Variants in COL9A3 observed in about 807,000 individuals in gnomAD.
COL9A3 encodes the protein collagen type IX alpha 3 chain.
A neutral mutation model predicts 110.2 loss-of-function variants in COL9A3; 82 were observed. The observed-to-expected ratio is 0.74, with a 90% CI of 0.62 to 0.89. The LOEUF is 0.89. Ranked by LOEUF, COL9A3 falls within the 40% of genes least tolerant of loss-of-function variation. The pLI is 0.00. For missense variants in COL9A3, 1,066 were observed against 981.3 expected, an observed-to-expected ratio of 1.09 and a Z score of -1.15; for synonymous variants, 494 against 403.8, an observed-to-expected ratio of 1.22 and a Z score of -2.68.
At chr20:62,820,384 G>A (rs938558228) in intron 5 of COL9A3, among the ~76,000 whole-genome samples, 2 of 151,954 alleles carry the variant, frequency 1.3e-5, no homozygotes, top group South Asian at 2.1e-4. Flanking sequence ...CTGACGGAGC[G>A]GCACCACCAC....
rs1004317587 is a variant in COL9A3 at position 62,836,898 on chromosome 20, C to T, written c.1604-185C>T. 2.6e-5 allele frequency: 22 copies of T among 846,634 alleles called. No homozygotes were observed. In the Admixed American group the frequency reaches 3.9e-4, roughly 15 times the overall value. 52.4% of individuals were successfully genotyped at this position (846,634 alleles called of 1,614,324 possible). The stretch of plus-strand genomic sequence containing the variant: ...CTTCCCACTCAGGCTTCTCAGGCTC[C>T]AAGGGGTTGGGGGTCCTTTCTAGCT... On this transcript the variant is annotated intron_variant, in intron 29 of 31. Coordinates refer to ENST00000649368, the MANE Select transcript of COL9A3 (RefSeq NM_001853.4).
chr20:62,840,315 C>T (rs2147234957), intron 31 of COL9A3, among the ~76,000 whole-genome samples: 1 of 152,298 alleles, frequency 6.6e-6, no homozygotes, highest in South Asian at 2.1e-4. Flanking sequence ...GACGGCTCTG[C>T]ACCCCTGCCT....
At position 62,837,050 on chromosome 20, in the gene COL9A3, C is replaced by T. The variant is rs370071454; in HGVS notation, c.1604-33C>T. The T allele has an allele frequency of 4.3e-5, 70 of 1,609,584 alleles. 1 individual carries two copies. The highest frequency in any genetic ancestry group is 1.9e-4 in the South Asian group (17 of 91,066). The stretch of plus-strand genomic sequence containing the variant: ...AACAATACTTCTGATGATCCTCTCT[C>T]GAGTAAACGCCTGCACCCTTGTTTT... On this transcript the variant is annotated intron_variant, in intron 29 of 31. Transcript: ENST00000649368.
At position 62,826,206 on chromosome 20, in the gene COL9A3, C is replaced by T. The variant is rs2063550715; in HGVS notation, c.687C>T (p.Gly229=). Residue 229 remains glycine (G), a splice_region_variant and synonymous_variant, in exon 14 of 32, where the codon GGC becomes GGT. Transcript: ENST00000649368. ...AGLPGSVGLQ[G]PRGLRGLPGP... is the part of the protein sequence containing the mutation. ...GCATCTGTGCCTCTCTCTCGCAGGG[C>T]CCCCGGGGATTACGAGGACTGCCAG... is the stretch of plus-strand genomic sequence containing the variant. 1.3e-6 allele frequency: 2 copies of T among 1,560,278 alleles called. No individual in the cohort carries two copies. Among genetic ancestry groups the T allele is most frequent in the Middle Eastern group, 1.8e-4 (1 of 5,656 alleles).
Position 62,840,054 on chromosome 20 carries a change from G to GCACCATGCCCGCACCATGCCCA in COL9A3, c.1865-478_1865-477insGCACCATGCCCACACCATGCCC, listed in dbSNP as rs1555826052. On this transcript the variant is annotated intron_variant, in intron 31 of 31. Transcript: ENST00000649368. ...GCAGCCTCCCGGCCGCACCATGCCC[G>GCACCATGCCCGCACCATGCCCA]CACCATGCCCACACCATGCCCGCAC... Among the ~76,000 whole-genome samples the GCACCATGCCCGCACCATGCCCA allele has an allele frequency of 1.2e-4, 18 of 151,672 alleles. 1 individual carries two copies. Among genetic ancestry groups the GCACCATGCCCGCACCATGCCCA allele is most frequent in the Admixed American group, 1.2e-3 (18 of 15,234 alleles).
At chr20:62,824,827 A>T in intron 11 of COL9A3, 141 bp from the exon 12 acceptor site, 1 of 927,094 alleles carries the variant, frequency 1.1e-6, no homozygotes, top group Non-Finnish European at 1.7e-6. Flanking sequence ...CAGTTTCCCC[A>T]TGAGGGCCCA....
chr20:62,829,640 G>A lies in COL9A3; in HGVS notation c.1066G>A (p.Glu356Lys), dbSNP rs2063580314. 6.2e-7 allele frequency: 1 copy of A among 1,609,876 alleles called. No homozygotes were observed. Among genetic ancestry groups the A allele is most frequent in the Non-Finnish European group, 8.5e-7 (1 of 1,178,892 alleles). The change falls in exon 21 of 32, where the codon GAG (glutamate) becomes AAG (lysine). Residue 356 changes from glutamate to lysine, a missense_variant. Coordinates refer to ENST00000649368, the MANE Select transcript of COL9A3 (RefSeq NM_001853.4). ...GEKGERGRAG[E>K]LGEAGPSGEP... The stretch of plus-strand genomic sequence containing the variant: ...CCTTCCTCTACAGGGCAGAGCTGGG[G>A]AGCTGGGTGAGGCCGGCCCCTCTGG...
In COL9A3 at chr20:62,829,543, G is replaced by A. The variant is rs1286201745; in HGVS notation, c.1053+44G>A. On this transcript the variant is annotated intron_variant, in intron 20 of 31. Transcript: ENST00000649368. ...TTTCTCTCTGGGAGGGGAGGCGAGGGGCCGGGAGGCAAGGGGCTGGGGGGC... is the reference window on the plus strand; with the variant it reads ...TTTCTCTCTGGGAGGGGAGGCGAGGAGCCGGGAGGCAAGGGGCTGGGGGGC... The A allele has an allele frequency of 2.5e-6, 4 of 1,610,044 alleles. No homozygotes were observed. In the South Asian group the frequency reaches 4.4e-5, roughly 18 times the overall value.
intron 3 of COL9A3, 95 bp downstream of exon 3, chr20:62,818,648 G>T (rs1411285466): frequency 1.5e-6 from 2 of 1,362,280 alleles, no homozygotes; most frequent in African/African-American, 1.4e-5. Context: ...GTCTCATCCT[G>T]CCGGAGCCCG....
At chr20:62,830,263 A>C in intron 22 of COL9A3, 97 bp from the exon 23 acceptor site, 1 of 1,403,762 alleles carries the variant, frequency 7.1e-7, no homozygotes. Context: ...TCCTGTGTCC[A>C]CCCACTCTGG....
intron 29 of COL9A3, 154 bp downstream of exon 29, chr20:62,836,686 C>T (rs1437648243): frequency 5.9e-5 from 48 of 815,340 alleles, no homozygotes; most frequent in African/African-American, 2.2e-4. Flanking sequence ...GGTCCACGTC[C>T]GCCTTGGCGT....
chr20:62,825,712 G>C, intron 12 of COL9A3, 105 bp from the exon 13 acceptor site: 1 of 1,183,898 alleles, frequency 8.4e-7, no homozygotes, highest in South Asian at 1.3e-5. Context: ...CTGTGAAGGG[G>C]GCAACACCCC....
Position 62,825,955 on chromosome 20 carries a change from G to A in COL9A3, c.684+85G>A. 8.4e-6 allele frequency: 12 copies of A among 1,421,302 alleles called. No homozygotes were observed. The South Asian group carries it at 1.3e-4, about 15-fold the overall frequency. The allele number at this position is 1,421,302 out of a possible 1,614,324, so 88.0% of individuals were successfully genotyped here. A position where few individuals can be genotyped will look rare whatever the true frequency, so the allele number is the denominator to read the frequency against. On this transcript the variant is annotated intron_variant, in intron 13 of 31. Transcript: ENST00000649368. ...CCCTGCACATATCTACCCCCGAGGG[G>A]GCCAGCTCCGGCTGGGGGGTGTTTG...
At chr20:62,825,767 G>C (rs987653802) in intron 12 of COL9A3, 50 bp from the exon 13 acceptor site, 31 of 1,540,892 alleles carry the variant, frequency 2.0e-5, no homozygotes, top group Middle Eastern at 1.7e-4. Context: ...ACCGAAAGGT[G>C]CAAGGAGAGC....
At position 62,827,276 on chromosome 20, in the gene COL9A3, C is replaced by T. The variant is rs145432872; in HGVS notation, c.828C>T (p.Arg276=). The T allele has an allele frequency of 4.6e-5, 74 of 1,613,096 alleles. No homozygotes were observed. The highest frequency in any genetic ancestry group is 5.5e-5 in the Non-Finnish European group (65 of 1,179,972). The change falls in exon 16 of 32, where the codon CGC becomes CGT. Residue 276 remains arginine, a synonymous_variant. Coordinates refer to ENST00000649368, the MANE Select transcript of COL9A3 (RefSeq NM_001853.4). ...GCGAGAGGGGCCCAGAAGGGTTCCG[C>T]GGCCCCAAGGGTGACCTCGTAAGTG... is the stretch of plus-strand genomic sequence containing the variant. The part of the protein sequence containing the change: ...DRGERGPEGF[R]GPKGDLGRPG...
intron 2 of COL9A3, chr20:62,817,949 C>T (rs6062698): frequency 6.5e-6 from 3 of 464,670 alleles, no homozygotes; most frequent in African/African-American, 2.0e-5. Flanking sequence ...GGGAGAGGCA[C>T]GTCCTTTGGG....
intron 5 of COL9A3, among the ~76,000 whole-genome samples, chr20:62,820,830 G>C (rs74910948): frequency 0.01 from 1,543 of 152,320 alleles, 29 homozygotes; most frequent in African/African-American, 0.034. Context: ...TCTGGGGCTC[G>C]CTGACGTGGG....
chr20:62,829,034 G>A, intron 19 of COL9A3, 58 bp downstream of exon 19: 3 of 1,537,846 alleles, frequency 2.0e-6, no homozygotes, highest in Non-Finnish European at 2.6e-6. Flanking sequence ...CTGCTCAGTG[G>A]CCCATGTTGG....
chr20:62,828,565 C>T (rs915066400), intron 17 of COL9A3, among the ~76,000 whole-genome samples, 199 bp from the exon 18 acceptor site: 5 of 152,264 alleles, frequency 3.3e-5, no homozygotes, highest in South Asian at 4.1e-4. Flanking sequence ...GCCACCCACC[C>T]GCACCCCTCA....
Sources: allele counts gnomAD v4.1 joint callset (sites outside exome capture counted in the v4.1 genomes callset), GRCh38; gene constraint gnomAD v4.1.1; transcripts MANE v1.5; gene names NCBI Gene and HGNC (gene_info 2026-07-23, HGNC 2026-07-21).